EHD4: variants seen among roughly 807,000 people sequenced by gnomAD.
EHD4 encodes the protein EH domain-containing protein 4.
In EHD4, 37 loss-of-function variants were observed where a neutral mutation model predicts 51.0. The ratio of observed to expected loss-of-function variants is 0.73; its 90% CI spans 0.56 to 0.95. The LOEUF (loss-of-function observed/expected upper bound fraction) is 0.95, where lower values mean the gene tolerates loss of function less well. EHD4 is among the 40% of genes least tolerant of loss of function. The pLI is 0.00. For missense variants in EHD4, 632 were observed against 733.1 expected (o/e 0.86, Z 1.59); for synonymous variants, 297 against 317.3 (o/e 0.94, Z 0.68).
At chr15:41,918,478 G>A (rs1401483062) in intron 4 of EHD4, among the ~76,000 whole-genome samples, 1 of 152,192 alleles carries the variant, frequency 6.6e-6, no homozygotes, top group African/African-American at 2.4e-5. Flanking sequence ...ATTTTCTCTT[G>A]GAGGAGGGAT....
chr15:41,947,113 G>A (rs1261251867), intron 2 of EHD4, among the ~76,000 whole-genome samples: 1 of 152,180 alleles, frequency 6.6e-6, no homozygotes, highest in Non-Finnish European at 1.5e-5. Context: ...GCTGGGACAT[G>A]AACTTGGCAG....
chr15:41,900,822 G>C lies in EHD4; in HGVS notation c.1449C>G (p.Val483=). Reference sequence around the variant, plus strand: ...CGGCCAGCTTCCAGATCTTGCCCAGGACGCTGTTGGGCAGCTTGGAGGTCA... The same window carrying C: ...CGGCCAGCTTCCAGATCTTGCCCAGCACGCTGTTGGGCAGCTTGGAGGTCA... ...EMVTSKLPNS[V]LGKIWKLADC... The change falls in exon 6 of 6, where the codon GTC becomes GTG. Residue 483 remains valine, a synonymous_variant. Coordinates refer to ENST00000220325, the MANE Select transcript of EHD4 (RefSeq NM_139265.4). The surrounding 1 kb of genome is among the most constrained non-coding windows in gnomAD (Gnocchi z 4.8). 1.2e-6 allele frequency: 2 copies of C among 1,614,188 alleles called. No individual in the cohort carries two copies. Among genetic ancestry groups the C allele is most frequent in the South Asian group, 2.2e-5 (2 of 91,086 alleles).
rs1286858086 is a variant in EHD4 at position 41,898,589 on chromosome 15, C to T, written c.*2056G>A. ...TTCACAGAACTGTCTGCTTAGGTTA[C>T]AGCACTTTGGGAGGCCGAGGTGGGT... On this transcript the variant is annotated 3_prime_UTR_variant, in exon 6 of 6. Transcript: ENST00000220325. The T allele has an allele frequency of 2.6e-5, 4 of 152,220 alleles. No individual in the cohort carries two copies. The East Asian group carries it at 7.7e-4, about 29-fold the overall frequency. The allele number at this position is 152,220 out of a possible 1,614,324, so 9.4% of individuals were successfully genotyped here. A position where few individuals can be genotyped will look rare whatever the true frequency, so the allele number is the denominator to read the frequency against.
intron 2 of EHD4, among the ~76,000 whole-genome samples, chr15:41,952,756 G>A (rs1320798056): frequency 1.3e-5 from 2 of 152,086 alleles, no homozygotes; most frequent in East Asian, 1.9e-4. Flanking sequence ...CTGGGAAGGC[G>A]AGGCGGGTGG....
rs151333065 is a variant in EHD4, at chr15:41,900,825, G to C, written c.1446C>G (p.Ser482Arg). 2 of 1,614,174 alleles carry C rather than the reference G, an allele frequency of 1.2e-6. No homozygotes were observed. Among genetic ancestry groups the C allele is most frequent in the East Asian group, 4.5e-5 (2 of 44,880 alleles). Residue 482 changes from serine (S) to arginine (R), a missense_variant, in exon 6 of 6, where the codon AGC becomes AGG. Ser to Arg is a moderately radical substitution (Grantham distance 110). Transcript: ENST00000220325. The surrounding 1 kb of genome is among the most constrained non-coding windows in gnomAD (Gnocchi z 4.8). ...KEMVTSKLPN[S>R]VLGKIWKLAD... ...CCAGCTTCCAGATCTTGCCCAGGAC[G>C]CTGTTGGGCAGCTTGGAGGTCACCA...
chr15:41,918,915 C>A (rs2067603512), intron 4 of EHD4, among the ~76,000 whole-genome samples: 1 of 152,226 alleles, frequency 6.6e-6, no homozygotes, highest in African/African-American at 2.4e-5. Flanking sequence ...GTGCACCAGG[C>A]ACTATGCCAA....
Position 41,897,827 on chromosome 15 carries a change from G to C in EHD4, c.*2818C>G, listed in dbSNP as rs905860038. 3 of 152,272 alleles carry C rather than the reference G, an allele frequency of 2.0e-5. No homozygotes were observed. Among genetic ancestry groups the C allele is most frequent in the Admixed American group, 6.5e-5 (1 of 15,286 alleles). 9.4% of individuals were successfully genotyped at this position (152,272 alleles called of 1,614,324 possible). ...CAGCTTCTTAGATGTTGTAGTTCTA[G>C]AGTTTAGGTACTTCCACCCTCTCTC... is the stretch of plus-strand genomic sequence containing the variant. On this transcript the variant is annotated 3_prime_UTR_variant, in exon 6 of 6. Coordinates refer to ENST00000220325, the MANE Select transcript of EHD4 (RefSeq NM_139265.4).
chr15:41,945,044 G>C (rs1043794684), intron 2 of EHD4, among the ~76,000 whole-genome samples: 2 of 152,174 alleles, frequency 1.3e-5, no homozygotes, highest in Non-Finnish European at 1.5e-5. Flanking sequence ...ATTGGGGTGG[G>C]AACAGGGCTC....
intron 2 of EHD4, 89 bp downstream of exon 2, chr15:41,953,675 C>T: frequency 7.3e-7 from 1 of 1,371,964 alleles, no homozygotes; most frequent in Admixed American, 2.4e-5. Flanking sequence ...CTTTGTTCTT[C>T]TGTTTTTGAA....
At chr15:41,936,222 A>C (rs561004036) in intron 3 of EHD4, among the ~76,000 whole-genome samples, 18 of 152,346 alleles carry the variant, frequency 1.2e-4, no homozygotes, top group African/African-American at 4.3e-4. Context: ...CTCCCAAGGC[A>C]CGAATGCTGG....
At chr15:41,955,437 T>C (rs550881369) in intron 1 of EHD4, among the ~76,000 whole-genome samples, 16 of 151,984 alleles carry the variant, frequency 1.1e-4, no homozygotes, top group African/African-American at 3.9e-4. Context: ...CATCCCAGGG[T>C]GTGTCACTTG....
chr15:41,927,009 T>C (rs1245074273), intron 3 of EHD4, among the ~76,000 whole-genome samples: 2 of 152,198 alleles, frequency 1.3e-5, no homozygotes, highest in Non-Finnish European at 2.9e-5. Context: ...CTTCACTGTG[T>C]CTGTAACCCA....
At position 41,898,273 on chromosome 15, in the gene EHD4, G is replaced by C. The variant is rs968456953; in HGVS notation, c.*2372C>G. ...AGTGCCTGAGAGGTTTTCCTCCACG[G>C]AGAAATCAGAGACCTCAACCTGCTG... On this transcript the variant is annotated 3_prime_UTR_variant, in exon 6 of 6. Coordinates refer to ENST00000220325, the MANE Select transcript of EHD4 (RefSeq NM_139265.4). 1.3e-5 allele frequency: 2 copies of C among 152,214 alleles called. No individual in the cohort carries two copies. The highest frequency in any genetic ancestry group is 2.9e-5 in the Non-Finnish European group (2 of 68,048). The allele number at this position is 152,214 out of a possible 1,614,324, so 9.4% of individuals were successfully genotyped here.
intron 2 of EHD4, among the ~76,000 whole-genome samples, chr15:41,948,146 C>T (rs972012843): frequency 3.3e-5 from 5 of 151,860 alleles, no homozygotes; most frequent in Non-Finnish European, 7.4e-5. Context: ...CACAGCTACT[C>T]GGGAGGCTGA....
chr15:41,901,032 C>T lies in EHD4; in HGVS notation c.1239G>A (p.Gln413=). 6 of 1,611,594 alleles carry T rather than the reference C, an allele frequency of 3.7e-6. No homozygotes were observed. Among genetic ancestry groups the T allele is most frequent in the Non-Finnish European group, 5.1e-6 (6 of 1,178,556 alleles). ...EETSTPTQLV[Q]GGAFDGTTEG... ...CGGTGGTGCCATCGAAGGCGCCGCCCTGCACCAGCTGCGTGGGCGTGCTCG... is the reference window on the plus strand; with the variant it reads ...CGGTGGTGCCATCGAAGGCGCCGCCTTGCACCAGCTGCGTGGGCGTGCTCG... Residue 413 remains glutamine (Q), a synonymous_variant, in exon 6 of 6, where the codon CAG becomes CAA. Transcript: ENST00000220325.
intron 3 of EHD4, among the ~76,000 whole-genome samples, chr15:41,937,148 C>T (rs1283197118): frequency 2.0e-5 from 3 of 152,232 alleles, no homozygotes; most frequent in African/African-American, 7.2e-5. Context: ...TCCACCACGT[C>T]CTCCCATACC....
chr15:41,948,328 G>A (rs185313571), intron 2 of EHD4, among the ~76,000 whole-genome samples: 29 of 152,024 alleles, frequency 1.9e-4, no homozygotes, highest in Non-Finnish European at 3.2e-4. Flanking sequence ...TTTTATTATT[G>A]TTATTTTTTT....
At chr15:41,969,194 T>A (rs2067980637) in intron 1 of EHD4, among the ~76,000 whole-genome samples, 1 of 152,224 alleles carries the variant, frequency 6.6e-6, no homozygotes, top group Non-Finnish European at 1.5e-5. Context: ...CTCATTAGAA[T>A]AAGTTTTCTG....
intron 1 of EHD4, among the ~76,000 whole-genome samples, chr15:41,962,757 A>G (rs969746817): frequency 6.6e-6 from 1 of 151,792 alleles, no homozygotes; most frequent in Non-Finnish European, 1.5e-5. Context: ...GGAAGTGAGG[A>G]GCCCCTCTGC....
Sources: gnomAD v4.1 joint callset for allele counts (sites outside exome capture counted in the v4.1 genomes callset) on GRCh38, gnomAD v4.1.1 for gene constraint, Gnocchi (gnomAD v3.1) non-coding constraint, MANE v1.5 for transcripts, NCBI Gene and HGNC (gene_info 2026-07-23, HGNC 2026-07-21) for gene names.